Variants in MCTP2 observed in about 807,000 individuals in gnomAD.
MCTP2 encodes the protein multiple C2 and transmembrane domain-containing protein 2.
In MCTP2, 132 loss-of-function variants were observed where a neutral mutation model predicts 111.6. That is an observed-to-expected ratio of 1.18 (90% CI 1.03 to 1.37). The LOEUF (loss-of-function observed/expected upper bound fraction) is 1.37, where lower values mean the gene tolerates loss of function less well. MCTP2 is among the 40% of genes most tolerant of loss of function. The pLI is 0.00. For synonymous variants in MCTP2, 395 were observed against 387.7 expected, an observed-to-expected ratio of 1.02 and a Z score of -0.22; for missense variants, 1,183 against 1,067.9, an observed-to-expected ratio of 1.11 and a Z score of -1.50.
chr15:94,320,883 A>T (rs1345969395), intron 4 of MCTP2, among the ~76,000 whole-genome samples: 1 of 152,206 alleles, frequency 6.6e-6, no homozygotes, highest in Admixed American at 6.5e-5. Context: ...GCTCAGTGGG[A>T]CAAGAAGAGG....
intron 1 of MCTP2, among the ~76,000 whole-genome samples, chr15:94,294,134 T>G (rs1434246576): frequency 6.6e-6 from 1 of 152,196 alleles, no homozygotes; most frequent in African/African-American, 2.4e-5. Flanking sequence ...ACTGTGTGAT[T>G]CCGTTTAGAA....
At chr15:94,348,542 C>A (rs955570260) in intron 8 of MCTP2, among the ~76,000 whole-genome samples, 8 of 55,484 alleles carry the variant, frequency 1.4e-4, no homozygotes, top group African/African-American at 5.6e-4. Context: ...AGGTGAGAAC[C>A]AGGAGACGTT....
At chr15:94,428,696 T>C (rs1311863086) in intron 17 of MCTP2, among the ~76,000 whole-genome samples, 2 of 152,202 alleles carry the variant, frequency 1.3e-5, no homozygotes, top group African/African-American at 4.8e-5. Context: ...ACCTTGTTTC[T>C]GTGGTCTGTG....
intron 1 of MCTP2, among the ~76,000 whole-genome samples, chr15:94,239,255 T>C (rs189912394): frequency 6.6e-6 from 1 of 152,340 alleles, no homozygotes. Context: ...TTGCTTAACG[T>C]AAAAGATATG....
At chr15:94,314,397 A>C in intron 3 of MCTP2, 53 bp downstream of exon 3, 1 of 1,333,282 alleles carries the variant, frequency 7.5e-7, no homozygotes, top group Non-Finnish European at 1.1e-6. Context: ...ATTTCTCATC[A>C]AATGTTTGGG....
rs567156876 is a variant in MCTP2, at chr15:94,400,917, C to A, written c.1965+922C>A. Among the ~76,000 whole-genome samples, 12 of 152,210 alleles carry A rather than the reference C, an allele frequency of 7.9e-5. No individual in the cohort carries two copies. The East Asian group carries it at 2.3e-3, about 29-fold the overall frequency. On this transcript the variant is annotated intron_variant, in intron 16 of 22. Coordinates refer to ENST00000357742, the MANE Select transcript of MCTP2 (RefSeq NM_001385001.1). Reference sequence around the variant, plus strand: ...CCTCCAAATATTTCATTTTGGTCTGCCGTAACATTGAGTGTAATATTTATT... The same window carrying A: ...CCTCCAAATATTTCATTTTGGTCTGACGTAACATTGAGTGTAATATTTATT...
intron 2 of MCTP2, among the ~76,000 whole-genome samples, chr15:94,313,867 C>G (rs1175337069): frequency 6.6e-6 from 1 of 152,212 alleles, no homozygotes; most frequent in African/African-American, 2.4e-5. Context: ...TGAAACGTTT[C>G]CTTCCGAACG....
chr15:94,249,017 C>A (rs557688544), intron 1 of MCTP2, among the ~76,000 whole-genome samples: 8 of 152,216 alleles, frequency 5.3e-5, no homozygotes, highest in African/African-American at 1.9e-4. Context: ...GCTATTGAAG[C>A]GCTTGTGTTG....
intron 12 of MCTP2, among the ~76,000 whole-genome samples, chr15:94,378,633 A>T (rs2079916981): frequency 6.6e-6 from 1 of 152,238 alleles, no homozygotes; most frequent in African/African-American, 2.4e-5. Flanking sequence ...ATAACATTTT[A>T]GCAAGGTGAA....
chr15:94,248,650 C>T (rs116439643), intron 1 of MCTP2, among the ~76,000 whole-genome samples: 2,451 of 152,280 alleles, frequency 0.016, 57 homozygotes, highest in African/African-American at 0.054. Context: ...TGTCAAGATA[C>T]TTATTGGAAA....
At chr15:94,475,321 C>T (rs2074264712) in intron 21 of MCTP2, among the ~76,000 whole-genome samples, 1 of 152,154 alleles carries the variant, frequency 6.6e-6, no homozygotes, top group South Asian at 2.1e-4. Flanking sequence ...AACCGCCAAG[C>T]CACCATTTAC....
intron 4 of MCTP2, among the ~76,000 whole-genome samples, chr15:94,324,728 G>T (rs1463980718): frequency 6.6e-6 from 1 of 152,050 alleles, no homozygotes; most frequent in Non-Finnish European, 1.5e-5. Flanking sequence ...AAGATCTCTC[G>T]ATACTGTGAG....
chr15:94,450,346 G>A (rs79440298), intron 19 of MCTP2, among the ~76,000 whole-genome samples: 7,232 of 152,204 alleles, frequency 0.048, 555 homozygotes, highest in African/African-American at 0.16. Flanking sequence ...GTGTGTGTGC[G>A]TGTGTGTGTG....
intron 17 of MCTP2, among the ~76,000 whole-genome samples, chr15:94,404,932 C>T (rs1436271518): frequency 6.6e-6 from 1 of 152,194 alleles, no homozygotes; most frequent in Admixed American, 6.5e-5. Context: ...GATCTGTTGA[C>T]AGAATGCTGC....
chr15:94,269,432 A>AT (rs2073787162), intron 1 of MCTP2, among the ~76,000 whole-genome samples: 1 of 152,254 alleles, frequency 6.6e-6, no homozygotes, highest in African/African-American at 2.4e-5. Context: ...TTAGACAGAT[A>AT]ATAGAGTAGA....
intron 16 of MCTP2, among the ~76,000 whole-genome samples, chr15:94,400,919 G>T (rs549325918): frequency 4.6e-5 from 7 of 152,142 alleles, no homozygotes; most frequent in Non-Finnish European, 7.4e-5. Flanking sequence ...TTGGTCTGCC[G>T]TAACATTGAG....
At chr15:94,289,053 C>T (rs1486352196) in intron 1 of MCTP2, among the ~76,000 whole-genome samples, 3 of 152,174 alleles carry the variant, frequency 2.0e-5, no homozygotes, top group African/African-American at 7.2e-5. Context: ...ATTTGTATCA[C>T]TGGAGTGCCA....
chr15:94,232,860 A>G (rs541300510), intron 1 of MCTP2, among the ~76,000 whole-genome samples: 8 of 152,356 alleles, frequency 5.3e-5, no homozygotes, highest in African/African-American at 1.9e-4. Context: ...CATGCTTAAA[A>G]TAAGATTATT....
chr15:94,360,285 T>G (rs1299830726), intron 10 of MCTP2, among the ~76,000 whole-genome samples: 2 of 152,180 alleles, frequency 1.3e-5, no homozygotes, highest in Admixed American at 6.5e-5. Context: ...ACCCACTTCC[T>G]GTGGTCCTGT....
Sources: allele counts gnomAD v4.1 joint callset (sites outside exome capture counted in the v4.1 genomes callset), GRCh38; gene constraint gnomAD v4.1.1; transcripts MANE v1.5; gene names NCBI Gene and HGNC (gene_info 2026-07-23, HGNC 2026-07-21).